The following PTPRN2 variants were observed in gnomAD, a reference collection of about 807,000 sequenced individuals.
PTPRN2 encodes the protein protein tyrosine phosphatase receptor type N2, also known as receptor-type tyrosine-protein phosphatase N2.
A neutral mutation model predicts 118.8 loss-of-function variants in PTPRN2; 74 were observed. The ratio of observed to expected loss-of-function variants is 0.62; its 90% CI spans 0.52 to 0.76. The LOEUF (loss-of-function observed/expected upper bound fraction) is 0.76, where lower values mean the gene tolerates loss of function less well. PTPRN2 is among the 30% of genes least tolerant of loss of function. The pLI is 0.00. For missense variants in PTPRN2, 1,481 were observed against 1,394.4 expected, an observed-to-expected ratio of 1.06 and a Z score of -0.99; for synonymous variants, 641 against 608.0, an observed-to-expected ratio of 1.05 and a Z score of -0.80.
intron 2 of PTPRN2, among the ~76,000 whole-genome samples, chr7:158,337,560 C>T (rs1586355081): frequency 7.1e-6 from 1 of 140,920 alleles, no homozygotes; most frequent in Non-Finnish European, 1.6e-5. Context: ...CACCCACACT[C>T]TCACCATAAT....
intron 10 of PTPRN2, among the ~76,000 whole-genome samples, chr7:158,104,577 G>A (rs1284433993): frequency 1.3e-5 from 2 of 152,132 alleles, no homozygotes; most frequent in East Asian, 3.9e-4. Context: ...CTTGTCAGTA[G>A]TGGAGGAGAG....
intron 2 of PTPRN2, among the ~76,000 whole-genome samples, chr7:158,348,571 C>T (rs372415336): frequency 3.3e-5 from 5 of 152,140 alleles, no homozygotes; most frequent in South Asian, 4.1e-4. Context: ...GTGTTGGCTT[C>T]TGTCACTTGC....
At chr7:158,203,222 A>G (rs1826782863) in intron 4 of PTPRN2, among the ~76,000 whole-genome samples, 1 of 121,262 alleles carries the variant, frequency 8.2e-6, no homozygotes, top group Admixed American at 8.1e-5. Flanking sequence ...ATGAAGCAAG[A>G]GCCAAAAAAA....
intron 11 of PTPRN2, among the ~76,000 whole-genome samples, chr7:157,939,963 C>T (rs73519124): frequency 4.6e-5 from 7 of 152,326 alleles, no homozygotes; most frequent in African/African-American, 1.7e-4. Flanking sequence ...CGGGGAAGAG[C>T]AGGGAGTACC....
rs1004585169 is a variant in PTPRN2 at position 157,787,003 on chromosome 7, A to T, written c.1789-104066T>A. Among the ~76,000 whole-genome samples, 1 of 149,786 alleles carries T rather than the reference A, an allele frequency of 6.7e-6. No homozygotes were observed. The highest frequency in any genetic ancestry group is 1.5e-5 in the Non-Finnish European group (1 of 67,554). On this transcript the variant is annotated intron_variant, in intron 12 of 22. Transcript: ENST00000389418. The surrounding 1 kb of genome is among the most constrained non-coding windows in gnomAD (Gnocchi z 5.3). ...AAGCCACTGAGCCTGGGACAGCTTG[A>T]GGGGCAGGAGGCGGACACAGGTGCG... is the stretch of plus-strand genomic sequence containing the variant.
chr7:158,415,049 GATGATACAACCAGC>G, intron 2 of PTPRN2, among the ~76,000 whole-genome samples: 1 of 151,070 alleles, frequency 6.6e-6, no homozygotes, highest in Non-Finnish European at 1.5e-5. Flanking sequence ...CTACTTCTCT[GATGATACAACCAGC>G]TACTTCTCTG....
At chr7:158,263,147 A>T (rs1797640807) in intron 3 of PTPRN2, among the ~76,000 whole-genome samples, 1 of 142,188 alleles carries the variant, frequency 7.0e-6, no homozygotes, top group Non-Finnish European at 1.6e-5. Flanking sequence ...ACATTCACAC[A>T]CTGCACACAG....
At chr7:157,704,426 A>G (rs1379624910) in intron 12 of PTPRN2, among the ~76,000 whole-genome samples, 1 of 152,232 alleles carries the variant, frequency 6.6e-6, no homozygotes, top group East Asian at 1.9e-4. Context: ...CTTAAAGATA[A>G]TAGGATTAAG....
At chr7:158,081,238 G>A (rs543088034) in intron 11 of PTPRN2, 60 bp downstream of exon 11, 121 of 1,462,244 alleles carry the variant, frequency 8.3e-5, no homozygotes, top group African/African-American at 3.1e-4. Flanking sequence ...GCGTGTTTGC[G>A]TGCGTGTGTG....
In PTPRN2 at chr7:158,131,149, C is replaced by G. The variant is rs1235761308; in HGVS notation, c.1556+2528G>C. Among the ~76,000 whole-genome samples the G allele has an allele frequency of 4.6e-3, 692 of 150,914 alleles. 13 individuals are homozygous for G. In the East Asian group the frequency reaches 0.081, roughly 18 times the overall value. On this transcript the variant is annotated intron_variant, in intron 9 of 22. Transcript: ENST00000389418. ...ATACGCACATACACACATACACACA[C>G]AAATACCCGAAGATGCACATCATAC...
chr7:157,614,822 G>A (rs1009036016), intron 15 of PTPRN2, among the ~76,000 whole-genome samples: 2 of 152,222 alleles, frequency 1.3e-5, no homozygotes, highest in South Asian at 2.1e-4. Flanking sequence ...GGAGGGCCTC[G>A]GACACGGCCA....
chr7:158,377,578 G>A (rs535839351), intron 2 of PTPRN2, among the ~76,000 whole-genome samples: 2 of 152,138 alleles, frequency 1.3e-5, no homozygotes, highest in African/African-American at 4.8e-5. Context: ...GCTCGGCTTG[G>A]GGGTGGAAAT....
At chr7:158,315,211 CAAGGACAGAGGTGAACCCGGGACCCCCTA>C (rs1802208298) in intron 3 of PTPRN2, among the ~76,000 whole-genome samples, 231 of 137,048 alleles carry the variant, frequency 1.7e-3, no homozygotes, top group African/African-American at 3.2e-3. Context: ...GGGACGCCCT[CAAGGACAGAGGTGAACCCGGGACCCCCTA>C]AAGGACAGAG....
At position 157,850,448 on chromosome 7, in the gene PTPRN2, G is replaced by A. The variant is rs139778181; in HGVS notation, c.1788+48225C>T. ...GAATTTCCGACGTGGGGTGCCTCAC[G>A]CTCGCATAAGGGATCCCAGGTCTCC... On this transcript the variant is annotated intron_variant, in intron 12 of 22. Transcript: ENST00000389418. 5.3e-3 allele frequency among the ~76,000 whole-genome samples: 809 copies of A among 151,954 alleles called. 6 individuals are homozygous for A. The highest frequency in any genetic ancestry group is 0.019 in the African/African-American group (778 of 41,470).
At position 157,591,903 on chromosome 7, in the gene PTPRN2, A is replaced by G. The variant is rs1435861800; in HGVS notation, c.2496+3335T>C. Reference sequence around the variant, plus strand: ...GTCGTGGTCAGGGACGTCTGCAGGGAGCAAAATGAAGCGAGTTTCTTTAGT... The same window carrying G: ...GTCGTGGTCAGGGACGTCTGCAGGGGGCAAAATGAAGCGAGTTTCTTTAGT... On this transcript the variant is annotated intron_variant, in intron 17 of 22. Coordinates refer to ENST00000389418, the MANE Select transcript of PTPRN2 (RefSeq NM_002847.5). This position sits in a 1 kb window ranked among gnomAD's most constrained non-coding sequence, Gnocchi z 4.4. 6.6e-6 allele frequency among the ~76,000 whole-genome samples: 1 copy of G among 152,144 alleles called. No homozygotes were observed. The highest frequency in any genetic ancestry group is 2.4e-5 in the African/African-American group (1 of 41,420).
chr7:157,683,947 C>T (rs866471116), intron 12 of PTPRN2, among the ~76,000 whole-genome samples: 1 of 152,106 alleles, frequency 6.6e-6, no homozygotes, highest in South Asian at 2.1e-4. Context: ...CACCTAATTT[C>T]GCGTGGTAAC....
chr7:158,226,068 T>A (rs1039170348), intron 3 of PTPRN2, among the ~76,000 whole-genome samples: 10 of 152,172 alleles, frequency 6.6e-5, no homozygotes, highest in Admixed American at 1.3e-4. Flanking sequence ...AATATTAAAA[T>A]TAAAAATTTA....
rs141061970 is a variant in PTPRN2, at chr7:158,192,386, C to A, written c.490G>T (p.Ala164Ser). ...HLPFLEALSQ[A>S]PASDVLARTH... The stretch of plus-strand genomic sequence containing the variant: ...CTGGCGAGCACGTCTGAGGCTGGGG[C>A]CTGGGACAGGGCCTCCAGGAAGGGC... Residue 164 changes from alanine to serine, a missense_variant, in exon 5 of 23, where the codon GCC becomes TCC. By Grantham distance (99) the Ala-to-Ser change is moderately conservative. Transcript: ENST00000389418. The A allele has an allele frequency of 2.6e-6, 4 of 1,530,330 alleles. No homozygotes were observed. The East Asian group carries it at 1.0e-4, about 39-fold the overall frequency. 94.8% of individuals were successfully genotyped at this position (1,530,330 alleles called of 1,614,324 possible).
chr7:158,056,275 G>T (rs969323504), intron 11 of PTPRN2, among the ~76,000 whole-genome samples: 2 of 152,128 alleles, frequency 1.3e-5, no homozygotes, highest in Non-Finnish European at 2.9e-5. Context: ...AGCCATCACA[G>T]CATGGCCACC....
Sources: gnomAD v4.1 joint callset for allele counts (sites outside exome capture counted in the v4.1 genomes callset) on GRCh38, gnomAD v4.1.1 for gene constraint, Gnocchi (gnomAD v3.1) non-coding constraint, MANE v1.5 for transcripts, NCBI Gene and HGNC (gene_info 2026-07-23, HGNC 2026-07-21) for gene names.